The following RAB3C variants were observed in gnomAD, a reference collection of about 807,000 sequenced individuals.
The protein encoded by RAB3C is ras-related protein Rab-3C.
In RAB3C, 17 loss-of-function variants were observed where a neutral mutation model predicts 26.4. That is an observed-to-expected ratio of 0.64 (90% CI 0.44 to 0.97). The LOEUF is 0.97. RAB3C is among the 50% of genes least tolerant of loss of function. RAB3C has a pLI of 0.00. For synonymous variants in RAB3C, 91 were observed against 95.9 expected, an observed-to-expected ratio of 0.95 and a Z score of 0.30; for missense variants, 242 against 281.9, an observed-to-expected ratio of 0.86 and a Z score of 1.01.
chr5:58,712,651 A>G (rs540672952), intron 2 of RAB3C, among the ~76,000 whole-genome samples: 107 of 152,176 alleles, frequency 7.0e-4, no homozygotes, highest in African/African-American at 2.5e-3. Flanking sequence ...CAGCCTCCCA[A>G]GTAGCTGGGA....
intron 3 of RAB3C, chr5:58,794,231 A>G (rs955677780): frequency 1.3e-5 from 2 of 151,460 alleles, no homozygotes; most frequent in Non-Finnish European, 2.9e-5. Context: ...CTCTACTTAA[A>G]TAATGCCCCC....
chr5:58,589,073 A>T (rs1391414058), intron 1 of RAB3C, among the ~76,000 whole-genome samples: 1 of 152,004 alleles, frequency 6.6e-6, no homozygotes, highest in Non-Finnish European at 1.5e-5. Context: ...TTTGGTATAG[A>T]TATTATTTAT....
intron 3 of RAB3C, among the ~76,000 whole-genome samples, chr5:58,782,992 C>G (rs1001656350): frequency 6.6e-6 from 1 of 151,830 alleles, no homozygotes; most frequent in East Asian, 1.9e-4. Context: ...CATGTAACCC[C>G]TTTTGATTTC....
intron 3 of RAB3C, among the ~76,000 whole-genome samples, chr5:58,821,463 A>G (rs1743340881): frequency 6.6e-6 from 1 of 152,206 alleles, no homozygotes; most frequent in Non-Finnish European, 1.5e-5. Flanking sequence ...CCAAGAGTGG[A>G]ATTTATTTTA....
chr5:58,649,090 C>G (rs1233526695), intron 2 of RAB3C, among the ~76,000 whole-genome samples: 1 of 152,176 alleles, frequency 6.6e-6, no homozygotes, highest in African/African-American at 2.4e-5. Context: ...CCTGGCTAGA[C>G]AGCCACTTCC....
chr5:58,643,625 GA>G (rs942992956), intron 2 of RAB3C, among the ~76,000 whole-genome samples: 2 of 152,014 alleles, frequency 1.3e-5, no homozygotes, highest in Non-Finnish European at 1.5e-5. Context: ...CCAGTGAGCC[GA>G]GATTGCAATA....
intron 3 of RAB3C, among the ~76,000 whole-genome samples, chr5:58,786,563 A>G (rs1015652443): frequency 1.3e-5 from 2 of 152,102 alleles, no homozygotes; most frequent in African/African-American, 2.4e-5. Context: ...TGGTTCTTCC[A>G]TGCTCTGTGT....
At chr5:58,597,184 A>ATATATAT (rs1746327146) in intron 1 of RAB3C, among the ~76,000 whole-genome samples, 1 of 92,446 alleles carries the variant, frequency 1.1e-5, no homozygotes, top group Non-Finnish European at 1.9e-5. Flanking sequence ...ATACTACATA[A>ATATATAT]TATATTATAT....
At chr5:58,755,617 T>C (rs564101107) in intron 3 of RAB3C, among the ~76,000 whole-genome samples, 2 of 152,288 alleles carry the variant, frequency 1.3e-5, no homozygotes, top group East Asian at 3.9e-4. Flanking sequence ...AGGAGGGGAA[T>C]GGCTGCTGCC....
intron 3 of RAB3C, among the ~76,000 whole-genome samples, chr5:58,781,993 T>C (rs917148459): frequency 1.3e-5 from 2 of 152,204 alleles, no homozygotes; most frequent in Admixed American, 6.6e-5. Flanking sequence ...TTAAAAATTT[T>C]TGTAATACTT....
At position 58,855,494 on chromosome 5, in the gene RAB3C, G is replaced by A; in HGVS notation, c.*4143G>A. The A allele has an allele frequency of 6.6e-6, 1 of 152,242 alleles. No homozygotes were observed. Among genetic ancestry groups the A allele is most frequent in the South Asian group, 2.1e-4 (1 of 4,816 alleles). The allele number at this position is 152,242 out of a possible 1,614,324, so 9.4% of individuals were successfully genotyped here. Reference sequence around the variant, plus strand: ...TATAGTCACTTAGTGTGCTGTCCGGGTGCCACATGAGCAACTACACCCATG... The same window carrying A: ...TATAGTCACTTAGTGTGCTGTCCGGATGCCACATGAGCAACTACACCCATG... On this transcript the variant is annotated 3_prime_UTR_variant, in exon 5 of 5. Transcript: ENST00000282878.
intron 2 of RAB3C, among the ~76,000 whole-genome samples, chr5:58,699,196 G>A (rs181367052): frequency 6.6e-6 from 1 of 152,328 alleles, no homozygotes; most frequent in Non-Finnish European, 1.5e-5. Flanking sequence ...CTCAGCTGCA[G>A]GTCTGTTGGA....
intron 2 of RAB3C, among the ~76,000 whole-genome samples, chr5:58,674,547 A>G (rs1748185104): frequency 6.6e-6 from 1 of 152,248 alleles, no homozygotes; most frequent in Admixed American, 6.5e-5. Flanking sequence ...TGTGAAAAGT[A>G]TATGGATGAC....
intron 4 of RAB3C, among the ~76,000 whole-genome samples, chr5:58,839,266 G>A (rs1309704226): frequency 1.3e-5 from 2 of 150,708 alleles, no homozygotes; most frequent in African/African-American, 4.9e-5. Flanking sequence ...TTTCCTGGTT[G>A]TTTTATATAT....
chr5:58,677,024 G>A (rs1367672944), intron 2 of RAB3C, among the ~76,000 whole-genome samples: 1 of 152,090 alleles, frequency 6.6e-6, no homozygotes, highest in Non-Finnish European at 1.5e-5. Flanking sequence ...GGGGTTATCA[G>A]GAGCGTGCTC....
At position 58,627,492 on chromosome 5, in the gene RAB3C, AAAAAAAAAAAAAAAAAAAAAAAAAAAAC is replaced by A. The variant is rs1255991766; in HGVS notation, c.252+9624_252+9651del. Among the ~76,000 whole-genome samples the A allele has an allele frequency of 1.4e-3, 35 of 24,668 alleles. 2 individuals carry two copies. Among genetic ancestry groups the A allele is most frequent in the African/African-American group, 5.4e-3 (5 of 918 alleles). 16.2% of individuals were successfully genotyped at this position (24,668 alleles called of 152,430 possible). A position where few individuals can be genotyped will look rare whatever the true frequency, so the allele number is the denominator to read the frequency against. On this transcript the variant is annotated intron_variant, in intron 2 of 4. Coordinates refer to ENST00000282878, the MANE Select transcript of RAB3C (RefSeq NM_138453.4). ...GTCTTAAAAAAAAAAAAAAAAAAAA[AAAAAAAAAAAAAAAAAAAAAAAAAAAAC>A]ACAGCTTAAATTCGGTGCAAATTAA...
chr5:58,584,684 A>T (rs1404065833), intron 1 of RAB3C, among the ~76,000 whole-genome samples: 1 of 152,198 alleles, frequency 6.6e-6, no homozygotes, highest in Non-Finnish European at 1.5e-5. Context: ...GTATATTAAA[A>T]CATGTACATC....
At chr5:58,694,543 C>A (rs958734495) in intron 2 of RAB3C, among the ~76,000 whole-genome samples, 2 of 152,182 alleles carry the variant, frequency 1.3e-5, no homozygotes, top group Admixed American at 6.5e-5. Flanking sequence ...AATTTACACT[C>A]CCAGCAACAG....
At chr5:58,627,515 A>AAAAAAAAAAAAAAAACAAAAAAC (rs1325212744) in intron 2 of RAB3C, among the ~76,000 whole-genome samples, 1 of 60,558 alleles carries the variant, frequency 1.7e-5, no homozygotes, top group Non-Finnish European at 3.3e-5. Context: ...AAAAAAAAAA[A>AAAAAAAAAAAAAAAACAAAAAAC]AAAACACAGC....
Sources: allele counts gnomAD v4.1 joint callset (sites outside exome capture counted in the v4.1 genomes callset), GRCh38; gene constraint gnomAD v4.1.1; transcripts MANE v1.5; gene names NCBI Gene and HGNC (gene_info 2026-07-23, HGNC 2026-07-21).